The following PITPNC1 variants were observed in gnomAD, a reference collection of about 807,000 sequenced individuals.
PITPNC1 encodes phosphatidylinositol transfer protein cytoplasmic 1, also known as cytoplasmic phosphatidylinositol transfer protein 1.
A neutral mutation model predicts 44.7 loss-of-function variants in PITPNC1; 18 were observed. The ratio of observed to expected loss-of-function variants is 0.40; its 90% confidence interval spans 0.28 to 0.60. The LOEUF is 0.60. PITPNC1 is among the 20% of genes least tolerant of loss of function. PITPNC1 has a pLI of 0.39. For synonymous variants in PITPNC1, 141 were observed against 149.6 expected (o/e 0.94, Z 0.42); for missense variants, 290 against 418.4 (o/e 0.69, Z 2.68).
chr17:67,617,792 G>A (rs954078186), intron 5 of PITPNC1, among the ~76,000 whole-genome samples: 12 of 152,014 alleles, frequency 7.9e-5, no homozygotes, highest in African/African-American at 2.4e-4. Flanking sequence ...TGCCTTAATC[G>A]TATCTGTGTC....
At chr17:67,586,957 T>C (rs1201848392) in intron 5 of PITPNC1, among the ~76,000 whole-genome samples, 1 of 152,096 alleles carries the variant, frequency 6.6e-6, no homozygotes, top group Non-Finnish European at 1.5e-5. Flanking sequence ...AAGGGATCTA[T>C]TTTGAAAACA....
chr17:67,691,743 C>T (rs990135234), intron 8 of PITPNC1, among the ~76,000 whole-genome samples: 3 of 152,158 alleles, frequency 2.0e-5, no homozygotes, highest in African/African-American at 4.8e-5. Flanking sequence ...CAGTGGCTCA[C>T]GCCTGTAATC....
chr17:67,407,194 C>G (rs2038413869), intron 1 of PITPNC1, among the ~76,000 whole-genome samples: 1 of 152,202 alleles, frequency 6.6e-6, no homozygotes, highest in Non-Finnish European at 1.5e-5. Flanking sequence ...CTTTTTGGTC[C>G]TAGCCATTCT....
chr17:67,496,418 C>G (rs191885923), intron 1 of PITPNC1, among the ~76,000 whole-genome samples: 1 of 152,164 alleles, frequency 6.6e-6, no homozygotes, highest in Non-Finnish European at 1.5e-5. Flanking sequence ...GAGGCCCATG[C>G]GTGGCTCCCT....
intron 4 of PITPNC1, among the ~76,000 whole-genome samples, chr17:67,555,150 GAACATCTT>G (rs2040819363): frequency 6.6e-6 from 1 of 152,138 alleles, no homozygotes; most frequent in Admixed American, 6.5e-5. Context: ...GCTCTAGAAT[GAACATCTT>G]AACTTTTCTG....
chr17:67,414,262 T>C (rs1165101742), intron 1 of PITPNC1, among the ~76,000 whole-genome samples: 1 of 152,228 alleles, frequency 6.6e-6, no homozygotes, highest in Non-Finnish European at 1.5e-5. Context: ...GTGCCTGCTT[T>C]GTTTAGAATA....
chr17:67,668,721 G>C (rs1331083606), intron 6 of PITPNC1, among the ~76,000 whole-genome samples: 1 of 152,034 alleles, frequency 6.6e-6, no homozygotes, highest in Non-Finnish European at 1.5e-5. Flanking sequence ...AATTAGCCAG[G>C]CGTGGTGGCG....
At chr17:67,609,564 A>G (rs2041660807) in intron 5 of PITPNC1, among the ~76,000 whole-genome samples, 1 of 152,026 alleles carries the variant, frequency 6.6e-6, no homozygotes, top group South Asian at 2.1e-4. Context: ...TCCTGGGTTT[A>G]TAGGCGTGAA....
At chr17:67,456,706 A>AT (rs2039259287) in intron 1 of PITPNC1, among the ~76,000 whole-genome samples, 1 of 151,242 alleles carries the variant, frequency 6.6e-6, no homozygotes, top group Non-Finnish European at 1.5e-5. Flanking sequence ...ATTCACTGTT[A>AT]TTTTTGTTGT....
intron 1 of PITPNC1, among the ~76,000 whole-genome samples, chr17:67,530,775 A>G (rs56399017): frequency 6.6e-6 from 1 of 152,210 alleles, no homozygotes; most frequent in Non-Finnish European, 1.5e-5. Flanking sequence ...GTGTGTGCCC[A>G]TCTGTATAAG....
chr17:67,412,036 T>A (rs1035335925), intron 1 of PITPNC1, among the ~76,000 whole-genome samples: 1 of 152,188 alleles, frequency 6.6e-6, no homozygotes, highest in African/African-American at 2.4e-5. Context: ...CATTTCAACC[T>A]CTTACTATCT....
chr17:67,620,098 G>T (rs1468330030), intron 5 of PITPNC1, among the ~76,000 whole-genome samples: 2 of 152,082 alleles, frequency 1.3e-5, no homozygotes, highest in East Asian at 1.9e-4. Context: ...CCGTCTTCCA[G>T]ACTGGAGTGC....
intron 1 of PITPNC1, among the ~76,000 whole-genome samples, chr17:67,426,318 T>A (rs1006521370): frequency 6.6e-6 from 1 of 152,190 alleles, no homozygotes; most frequent in African/African-American, 2.4e-5. Context: ...TGTATGTTTA[T>A]TGTGGCACGA....
intron 1 of PITPNC1, among the ~76,000 whole-genome samples, chr17:67,396,044 T>A (rs2038215470): frequency 1.3e-5 from 2 of 152,236 alleles, no homozygotes; most frequent in African/African-American, 4.8e-5. Flanking sequence ...CAGCTGAGTG[T>A]AATTATGCTT....
At chr17:67,401,408 A>G (rs1397913327) in intron 1 of PITPNC1, among the ~76,000 whole-genome samples, 3 of 152,124 alleles carry the variant, frequency 2.0e-5, no homozygotes, top group Admixed American at 1.3e-4. Context: ...TACAACCTCT[A>G]TGATTTTCCA....
chr17:67,388,730 C>T (rs1011103613), intron 1 of PITPNC1, among the ~76,000 whole-genome samples: 4 of 152,144 alleles, frequency 2.6e-5, no homozygotes, highest in African/African-American at 4.8e-5. Flanking sequence ...AAGCAATCCT[C>T]CCGCCTCAGC....
chr17:67,673,555 C>G (rs1409406353), intron 7 of PITPNC1, among the ~76,000 whole-genome samples: 1 of 152,034 alleles, frequency 6.6e-6, no homozygotes, highest in Non-Finnish European at 1.5e-5. Flanking sequence ...TTTTTTCATC[C>G]TTTCAATGGT....
At chr17:67,578,434 TG>T (rs1404659128) in intron 5 of PITPNC1, among the ~76,000 whole-genome samples, 177 bp downstream of exon 5, 2 of 152,170 alleles carry the variant, frequency 1.3e-5, no homozygotes, top group Non-Finnish European at 2.9e-5. Flanking sequence ...GGAATTCTTT[TG>T]TTGTCTAGCT....
At chr17:67,627,830 G>A (rs757281591) in intron 5 of PITPNC1, among the ~76,000 whole-genome samples, 2 of 151,972 alleles carry the variant, frequency 1.3e-5, no homozygotes, top group Non-Finnish European at 2.9e-5. Context: ...TGAAAAGCAG[G>A]AATAATATTA....
Sources: allele counts gnomAD v4.1 joint callset (sites outside exome capture counted in the v4.1 genomes callset), GRCh38; gene constraint gnomAD v4.1.1; transcripts MANE v1.5; gene names NCBI Gene and HGNC (gene_info 2026-07-23, HGNC 2026-07-21).